The following FKBP3 variants were observed in gnomAD, a reference collection of about 807,000 sequenced individuals.
FKBP3 encodes peptidyl-prolyl cis-trans isomerase FKBP3.
FKBP3 carries 21 observed loss-of-function variants against 30.6 expected under a neutral mutation model. The ratio of observed to expected loss-of-function variants is 0.69; its 90% confidence interval spans 0.49 to 0.99. FKBP3 has a LOEUF of 0.99. Ranked by LOEUF, FKBP3 falls within the 50% of genes least tolerant of loss-of-function variation. FKBP3 has a pLI of 0.00. For synonymous variants in FKBP3, 82 were observed against 91.3 expected, an observed-to-expected ratio of 0.90 and a Z score of 0.58; for missense variants, 283 against 261.6, an observed-to-expected ratio of 1.08 and a Z score of -0.56.
rs895361303 is a variant in FKBP3, at chr14:45,120,736, G to A, written c.522+151C>T. On this transcript the variant is annotated intron_variant, in intron 5 of 6. Coordinates refer to ENST00000396062, the MANE Select transcript of FKBP3 (RefSeq NM_002013.4). ...CGAAACTGAGACCGAGATAACTTGT[G>A]CAAGATCAGCTAACAATGATTATAC... 3.5e-5 allele frequency: 22 copies of A among 632,438 alleles called. No homozygotes were observed. The African/African-American group carries it at 3.7e-4, about 10-fold the overall frequency. 39.2% of individuals were successfully genotyped at this position (632,438 alleles called of 1,614,324 possible).
Position 45,115,611 on chromosome 14 carries a change from A to G in FKBP3, c.*587T>C, listed in dbSNP as rs1352661318. On this transcript the variant is annotated 3_prime_UTR_variant, in exon 7 of 7. Coordinates refer to ENST00000396062, the MANE Select transcript of FKBP3 (RefSeq NM_002013.4). Reference sequence around the variant, plus strand: ...AAGACTCATCCAGTAATTGTTTATGAATTTATTTTGGGGGGATCAATTAGT... The same window carrying G: ...AAGACTCATCCAGTAATTGTTTATGGATTTATTTTGGGGGGATCAATTAGT... The G allele has an allele frequency of 1.3e-5, 2 of 152,512 alleles. No individual in the cohort carries two copies. The highest frequency in any genetic ancestry group is 2.9e-5 in the Non-Finnish European group (2 of 68,010). The allele number at this position is 152,512 out of a possible 1,614,324, so 9.4% of individuals were successfully genotyped here.
intron 3 of FKBP3, among the ~76,000 whole-genome samples, chr14:45,123,247 C>T (rs998841651): frequency 2.0e-5 from 3 of 152,004 alleles, no homozygotes; most frequent in Non-Finnish European, 4.4e-5. Context: ...GATTCTCTCC[C>T]TGACCAAACC....
intron 1 of FKBP3, 49 bp downstream of exon 1, chr14:45,134,300 G>A (rs1277166203): frequency 1.4e-6 from 2 of 1,408,692 alleles, no homozygotes; most frequent in Non-Finnish European, 2.0e-6. Flanking sequence ...CCAGGGGGGT[G>A]AGGCGTCCCT....
At chr14:45,119,968 G>A (rs552005210) in intron 5 of FKBP3, among the ~76,000 whole-genome samples, 1 of 152,164 alleles carries the variant, frequency 6.6e-6, no homozygotes, top group South Asian at 2.1e-4. Flanking sequence ...GCAATTACAG[G>A]CATGAGCCAC....
chr14:45,123,708 G>A (rs1267067241), intron 3 of FKBP3, among the ~76,000 whole-genome samples: 15 of 138,768 alleles, frequency 1.1e-4, no homozygotes, highest in Admixed American at 6.9e-4. Flanking sequence ...TCTGCCTCCC[G>A]GGTTCACGCC....
chr14:45,116,470 G>A (rs1405835049), intron 6 of FKBP3, among the ~76,000 whole-genome samples: 1 of 151,760 alleles, frequency 6.6e-6, no homozygotes, highest in Non-Finnish European at 1.5e-5. Flanking sequence ...CTAGCTGGGG[G>A]GGGGTGGAAC....
intron 6 of FKBP3, 63 bp downstream of exon 6, chr14:45,117,965 C>G (rs1195789685): frequency 8.1e-7 from 1 of 1,230,934 alleles, no homozygotes; most frequent in Non-Finnish European, 1.2e-6. Context: ...CTTTCACATC[C>G]TCAAAGGTGA....
rs1231283034 is a variant in FKBP3 at position 45,127,115 on chromosome 14, C to CTTTTTTTTTTTTTTTTTTT, written c.318+2678_318+2679insAAAAAAAAAAAAAAAAAAA. Among the ~76,000 whole-genome samples, 3 of 120,674 alleles carry CTTTTTTTTTTTTTTTTTTT rather than the reference C, an allele frequency of 2.5e-5. 1 individual carries two copies. The highest frequency in any genetic ancestry group is 7.4e-5 in the African/African-American group (2 of 26,984). The allele number at this position is 120,674 out of a possible 152,430, so 79.2% of individuals were successfully genotyped here. On this transcript the variant is annotated intron_variant, in intron 3 of 6. Transcript: ENST00000396062. Reference sequence around the variant, plus strand: ...AGCCACTGTACCTGACTGACCCTGTCTTTTTTTTTTTTTTTGAGACAGAGT... The same window carrying CTTTTTTTTTTTTTTTTTTT: ...AGCCACTGTACCTGACTGACCCTGTCTTTTTTTTTTTTTTTTTTTTTTTTTTTTTTTTTTGAGACAGAGT...
At chr14:45,131,997 CA>C (rs1290394407) in intron 1 of FKBP3, among the ~76,000 whole-genome samples, 1 of 152,168 alleles carries the variant, frequency 6.6e-6, no homozygotes, top group African/African-American at 2.4e-5. Context: ...TGAGGATTTC[CA>C]TAACTTCTTT....
At chr14:45,130,017 A>G in intron 2 of FKBP3, 116 bp from the exon 3 acceptor site, 1 of 510,214 alleles carries the variant, frequency 2.0e-6, no homozygotes. Flanking sequence ...AGGTTGTATA[A>G]CACAATTGTG....
In FKBP3 at chr14:45,116,215, A is replaced by G; in HGVS notation, c.658T>C (p.Leu220=). ...PNAKLTFEVE[L]VDID ...CTGCTATTTCAATCAATATCCACTA[A>G]TTCCACTTCAAAAGTGAGTTTTGCA... is the stretch of plus-strand genomic sequence containing the variant. The change falls in exon 7 of 7, where the codon TTA becomes CTA. Residue 220 remains leucine, a synonymous_variant. Transcript: ENST00000396062. 1 of 1,612,598 alleles carries G rather than the reference A, an allele frequency of 6.2e-7. No individual in the cohort carries two copies. Among genetic ancestry groups the G allele is most frequent in the Non-Finnish European group, 8.5e-7 (1 of 1,178,752 alleles).
chr14:45,128,916 C>A (rs530646867), intron 3 of FKBP3, among the ~76,000 whole-genome samples: 1 of 152,312 alleles, frequency 6.6e-6, no homozygotes, highest in South Asian at 2.1e-4. Flanking sequence ...TTAGTAGCTA[C>A]TCAATAGATA....
intron 1 of FKBP3, among the ~76,000 whole-genome samples, chr14:45,132,050 CT>C (rs1223340776): frequency 8.5e-5 from 13 of 152,122 alleles, no homozygotes; most frequent in Non-Finnish European, 1.3e-4. Context: ...CCTTGTGGTC[CT>C]TGCTTAATTC....
chr14:45,119,057 T>C (rs1884922083), intron 5 of FKBP3, among the ~76,000 whole-genome samples: 1 of 152,110 alleles, frequency 6.6e-6, no homozygotes, highest in Non-Finnish European at 1.5e-5. Flanking sequence ...CTAAGATCTT[T>C]TGCAAAAGGT....
intron 3 of FKBP3, among the ~76,000 whole-genome samples, chr14:45,129,124 T>C (rs538516142): frequency 1.0e-3 from 159 of 152,346 alleles, no homozygotes; most frequent in Non-Finnish European, 1.7e-3. Flanking sequence ...CTGTCATCAA[T>C]AGCCTCACCT....
At chr14:45,123,103 G>A (rs1346149013) in intron 3 of FKBP3, among the ~76,000 whole-genome samples, 1 of 150,360 alleles carries the variant, frequency 6.7e-6, no homozygotes, top group African/African-American at 2.4e-5. Flanking sequence ...AGAGTCAGGA[G>A]AATCACTTGA....
intron 1 of FKBP3, among the ~76,000 whole-genome samples, chr14:45,131,919 T>C (rs946444856): frequency 6.6e-6 from 1 of 152,242 alleles, no homozygotes; most frequent in Non-Finnish European, 1.5e-5. Flanking sequence ...AGATGGCAGA[T>C]GGACACTAAA....
chr14:45,129,400 T>C (rs1253951519), intron 3 of FKBP3, among the ~76,000 whole-genome samples: 1 of 152,202 alleles, frequency 6.6e-6, no homozygotes, highest in Non-Finnish European at 1.5e-5. Flanking sequence ...CAGCCAAGCC[T>C]GGATTATTTC....
chr14:45,121,581 C>G lies in FKBP3; in HGVS notation c.358G>C (p.Asp120His). 2 of 1,613,698 alleles carry G rather than the reference C, an allele frequency of 1.2e-6. No individual in the cohort carries two copies. The highest frequency in any genetic ancestry group is 8.5e-7 in the Non-Finnish European group (1 of 1,179,798). Reference sequence around the variant, plus strand: ...CCCTTTTTGGGAAAGTTGGTTTTATCTCCCTTTTTCAGAACAGATTTAGTA... The same window carrying G: ...CCCTTTTTGGGAAAGTTGGTTTTATGTCCCTTTTTCAGAACAGATTTAGTA... ...KYTKSVLKKG[D>H]KTNFPKKGDV... is the part of the protein sequence containing the mutation. The change falls in exon 4 of 7, where the codon GAT (aspartate) becomes CAT (histidine). Residue 120 changes from aspartate (D) to histidine (H), a missense_variant. Asp to His is a moderately conservative substitution (Grantham distance 81). Transcript: ENST00000396062.
Sources: gnomAD v4.1 joint callset for allele counts (sites outside exome capture counted in the v4.1 genomes callset) on GRCh38, gnomAD v4.1.1 for gene constraint, MANE v1.5 for transcripts, NCBI Gene and HGNC (gene_info 2026-07-23, HGNC 2026-07-21) for gene names.